Variants in PTPRD observed in about 807,000 individuals in gnomAD.
PTPRD encodes protein tyrosine phosphatase receptor type D.
A neutral mutation model predicts 214.5 loss-of-function variants in PTPRD; 34 were observed. The ratio of observed to expected loss-of-function variants is 0.16; its 90% CI spans 0.12 to 0.21. The LOEUF (loss-of-function observed/expected upper bound fraction) is 0.21. Ranked by LOEUF, PTPRD falls within the 10% of genes least tolerant of loss-of-function variation. The probability of loss-of-function intolerance (pLI) is 1.00; values close to 1 mark genes in which losing one functional copy is unlikely to be tolerated. For missense variants in PTPRD, 2,545 were observed against 2,398.7 expected, an observed-to-expected ratio of 1.06 and a Z score of -1.27; for synonymous variants, 1,128 against 845.7, an observed-to-expected ratio of 1.33 and a Z score of -5.79.
intron 3 of PTPRD, among the ~76,000 whole-genome samples, chr9:10,202,262 A>G (rs371589123): frequency 3.3e-5 from 5 of 152,056 alleles, no homozygotes; most frequent in African/African-American, 1.2e-4. Flanking sequence ...CATTCTAATA[A>G]TACAGTCATA....
chr9:9,118,964 A>G (rs1021066006), intron 10 of PTPRD, among the ~76,000 whole-genome samples: 3 of 152,194 alleles, frequency 2.0e-5, no homozygotes, highest in African/African-American at 7.2e-5. Context: ...CTAAAGTTGT[A>G]GTAGCGGACA....
At chr9:9,922,444 C>T (rs1032552902) in intron 5 of PTPRD, among the ~76,000 whole-genome samples, 4 of 152,000 alleles carry the variant, frequency 2.6e-5, no homozygotes. Context: ...TACCCAAGCC[C>T]CCATTCTAAA....
Position 8,683,990 on chromosome 9 carries a change from C to A in PTPRD, c.65-47146G>T, listed in dbSNP as rs138207230. Among the ~76,000 whole-genome samples, 711 of 152,282 alleles carry A rather than the reference C, an allele frequency of 4.7e-3. 4 individuals are homozygous for A. Among genetic ancestry groups the A allele is most frequent in the African/African-American group, 0.016 (667 of 41,562 alleles). On this transcript the variant is annotated intron_variant, in intron 12 of 45. Transcript: ENST00000381196. ...GCAGCGAATGTTCAAGAGGTCCCAA[C>A]ATCAACCAGTGGGCTTGTGAGTAGG...
intron 10 of PTPRD, among the ~76,000 whole-genome samples, chr9:9,127,763 G>A (rs563521189): frequency 1.3e-4 from 20 of 151,980 alleles, no homozygotes; most frequent in East Asian, 1.2e-3. Flanking sequence ...AGATTACCTC[G>A]GGAAAGAGTA....
At chr9:8,917,297 T>G (rs2098793819) in intron 11 of PTPRD, among the ~76,000 whole-genome samples, 1 of 145,042 alleles carries the variant, frequency 6.9e-6, no homozygotes, top group South Asian at 2.1e-4. Context: ...CCAGCTAATT[T>G]TTTTTTTTTT....
chr9:8,679,767 C>T (rs2097514242), intron 12 of PTPRD, among the ~76,000 whole-genome samples: 1 of 152,204 alleles, frequency 6.6e-6, no homozygotes, highest in African/African-American at 2.4e-5. Context: ...CCTCTGTGTT[C>T]CTGCCTGCTG....
At chr9:10,591,619 G>T (rs970523928) in intron 2 of PTPRD, among the ~76,000 whole-genome samples, 2 of 151,986 alleles carry the variant, frequency 1.3e-5, no homozygotes, top group African/African-American at 2.4e-5. Flanking sequence ...CACCTTGAGG[G>T]AAGGACTATT....
chr9:10,027,531 A>G (rs2096950204), intron 4 of PTPRD, among the ~76,000 whole-genome samples: 1 of 152,322 alleles, frequency 6.6e-6, no homozygotes, highest in South Asian at 2.1e-4. Flanking sequence ...TGTCATGTGT[A>G]TTATAAAATA....
chr9:9,697,501 G>C (rs1015775407), intron 7 of PTPRD, among the ~76,000 whole-genome samples: 6 of 151,932 alleles, frequency 3.9e-5, no homozygotes, highest in Non-Finnish European at 7.4e-5. Flanking sequence ...ATTTTTGCAT[G>C]TTTTCCCACT....
At chr9:9,099,376 T>C (rs1164846971) in intron 10 of PTPRD, among the ~76,000 whole-genome samples, 8 of 152,204 alleles carry the variant, frequency 5.3e-5, no homozygotes, top group Admixed American at 3.9e-4. Context: ...AAATGGAATA[T>C]ACGAAACTGC....
intron 14 of PTPRD, among the ~76,000 whole-genome samples, chr9:8,617,639 T>C (rs1257425305): frequency 6.6e-6 from 1 of 152,140 alleles, no homozygotes; most frequent in East Asian, 1.9e-4. Flanking sequence ...AAAACTACTT[T>C]GTTTTTAAGT....
At chr9:10,380,405 A>T (rs995039916) in intron 2 of PTPRD, among the ~76,000 whole-genome samples, 2 of 152,026 alleles carry the variant, frequency 1.3e-5, no homozygotes, top group African/African-American at 4.8e-5. Context: ...CATGATTTTC[A>T]ATTGCATTTG....
rs59773189 is a variant in PTPRD, at chr9:9,408,636, G to C, written c.-236-11154C>G. ...TTTAAGGAACCCGACATTACATTAA[G>C]AGGCATTATATTAAGGAAAGAATAG... On this transcript the variant is annotated intron_variant, in intron 8 of 45. Transcript: ENST00000381196. Among the ~76,000 whole-genome samples the C allele has an allele frequency of 6.9e-3, 1,042 of 151,950 alleles. 13 individuals carry two copies. The highest frequency in any genetic ancestry group is 0.024 in the African/African-American group (977 of 41,536).
chr9:9,771,292 T>G (rs910030716), intron 5 of PTPRD, among the ~76,000 whole-genome samples: 1 of 152,152 alleles, frequency 6.6e-6, no homozygotes, highest in African/African-American at 2.4e-5. Context: ...AGGTATCTGA[T>G]AGTTAACACA....
rs570158040 is a variant in PTPRD at position 8,713,517 on chromosome 9, G to A, written c.64+20263C>T. On this transcript the variant is annotated intron_variant, in intron 12 of 45. Transcript: ENST00000381196. ...CTGTCTACTGTGGTCAGGTGTTTGA[G>A]AAGTCCCCGCTGCGGGTGAAGAACT... The A allele has an allele frequency of 2.0e-4, 240 of 1,205,282 alleles. 4 individuals are homozygous for A. The South Asian group carries it at 2.8e-3, about 14-fold the overall frequency. The allele number at this position is 1,205,282 out of a possible 1,614,324, so 74.7% of individuals were successfully genotyped here.
chr9:10,586,494 T>C (rs907836110), intron 2 of PTPRD, among the ~76,000 whole-genome samples: 8 of 152,058 alleles, frequency 5.3e-5, no homozygotes, highest in African/African-American at 1.2e-4. Flanking sequence ...AAAAATTGCA[T>C]GGAAATTCTC....
At chr9:9,922,250 C>A (rs1354440660) in intron 5 of PTPRD, among the ~76,000 whole-genome samples, 1 of 152,076 alleles carries the variant, frequency 6.6e-6, no homozygotes, top group Admixed American at 6.6e-5. Flanking sequence ...CTACAGTGGG[C>A]AATTACCTCT....
intron 5 of PTPRD, among the ~76,000 whole-genome samples, chr9:9,873,782 T>A (rs1449695661): frequency 1.3e-5 from 2 of 152,168 alleles, no homozygotes; most frequent in African/African-American, 4.8e-5. Context: ...TTTCTGAGTA[T>A]CCCCATAGCA....
chr9:9,923,513 A>G (rs751022922), intron 5 of PTPRD, among the ~76,000 whole-genome samples: 1 of 151,960 alleles, frequency 6.6e-6, no homozygotes, highest in Non-Finnish European at 1.5e-5. Flanking sequence ...AAACGAAATC[A>G]GTTCCACACA....
Sources: gnomAD v4.1 joint callset for allele counts (sites outside exome capture counted in the v4.1 genomes callset) on GRCh38, gnomAD v4.1.1 for gene constraint, MANE v1.5 for transcripts, NCBI Gene and HGNC (gene_info 2026-07-23, HGNC 2026-07-21) for gene names.